The following TENM4 variants were observed in gnomAD, a reference collection of about 807,000 sequenced individuals.
TENM4 encodes teneurin transmembrane protein 4.
Under a neutral mutation model 243.3 loss-of-function variants are expected in TENM4, and 82 were observed. That is an observed-to-expected ratio of 0.34 (90% CI 0.28 to 0.40). The LOEUF (loss-of-function observed/expected upper bound fraction) is 0.40, where lower values mean the gene tolerates loss of function less well. TENM4 is among the 10% of genes least tolerant of loss of function. TENM4 has a pLI of 1.00. For synonymous variants in TENM4, 1,412 were observed against 1,456.3 expected, an observed-to-expected ratio of 0.97 and a Z score of 0.69; for missense variants, 3,138 against 3,673.3, an observed-to-expected ratio of 0.85 and a Z score of 3.77.
At chr11:78,897,661 G>C (rs987508130) in intron 7 of TENM4, among the ~76,000 whole-genome samples, 2 of 152,132 alleles carry the variant, frequency 1.3e-5, no homozygotes, top group Non-Finnish European at 2.9e-5. Flanking sequence ...TCAAAAGACG[G>C]TGAGCTTCTT....
At chr11:79,233,466 G>A (rs1864406476) in intron 2 of TENM4, among the ~76,000 whole-genome samples, 2 of 152,120 alleles carry the variant, frequency 1.3e-5, no homozygotes, top group Non-Finnish European at 2.9e-5. Context: ...GAAGGAGGAG[G>A]GGACTTGAGT....
chr11:79,117,199 C>T (rs1591295089), intron 4 of TENM4, among the ~76,000 whole-genome samples: 1 of 152,314 alleles, frequency 6.6e-6, no homozygotes. Flanking sequence ...CCCCACTGGG[C>T]CCTGATCACA....
chr11:79,005,425 C>T (rs1858456473), intron 6 of TENM4, among the ~76,000 whole-genome samples: 1 of 152,154 alleles, frequency 6.6e-6, no homozygotes, highest in Non-Finnish European at 1.5e-5. Context: ...AGGCTTATCC[C>T]TGGAATGCAA....
intron 5 of TENM4, among the ~76,000 whole-genome samples, chr11:79,066,059 C>T (rs1337603805): frequency 4.6e-5 from 7 of 152,148 alleles, no homozygotes; most frequent in Non-Finnish European, 5.9e-5. Flanking sequence ...CAATTCATGC[C>T]GGCCCTGGGC....
chr11:79,409,873 C>G (rs1190088204), intron 1 of TENM4, among the ~76,000 whole-genome samples: 2 of 152,142 alleles, frequency 1.3e-5, no homozygotes, highest in Non-Finnish European at 1.5e-5. Context: ...GTCAGTGTCC[C>G]TCTGAGGGTC....
chr11:78,866,349 G>C (rs535268062), intron 9 of TENM4, among the ~76,000 whole-genome samples: 2 of 151,458 alleles, frequency 1.3e-5, no homozygotes, highest in Non-Finnish European at 2.9e-5. Context: ...AAGGTCATGA[G>C]AATTAACTAA....
Position 79,305,236 on chromosome 11 carries a change from A to G in TENM4, c.-320-7693T>C, listed in dbSNP as rs945321175. 2.6e-4 allele frequency among the ~76,000 whole-genome samples: 39 copies of G among 152,234 alleles called. 1 individual carries two copies. The highest frequency in any genetic ancestry group is 5.9e-5 in the Non-Finnish European group (4 of 68,038). ...AGAAAGTTACTTAACTCCTCTGAGC[A>G]TCAGCTTCTTTATCTGCAAAGTGAA... is the stretch of plus-strand genomic sequence containing the variant. On this transcript the variant is annotated intron_variant, in intron 1 of 33. Coordinates refer to ENST00000278550, the MANE Select transcript of TENM4 (RefSeq NM_001098816.3).
chr11:78,903,634 T>C (rs1855993273), intron 6 of TENM4, 111 bp from the exon 7 acceptor site: 6 of 1,468,586 alleles, frequency 4.1e-6, no homozygotes, highest in Middle Eastern at 1.7e-4. Context: ...CGGCAGATTA[T>C]ACATATTGAT....
At chr11:79,221,353 T>TC (rs1439596919) in intron 2 of TENM4, among the ~76,000 whole-genome samples, 2 of 151,056 alleles carry the variant, frequency 1.3e-5, no homozygotes, top group Non-Finnish European at 3.0e-5. Flanking sequence ...ATGGATTTTT[T>TC]TTAAGCCTTT....
Position 79,161,498 on chromosome 11 carries a change from A to T in TENM4, c.-162-12692T>A, listed in dbSNP as rs1447244316. Among the ~76,000 whole-genome samples the T allele has an allele frequency of 5.9e-5, 9 of 152,196 alleles. 1 individual carries two copies. The highest frequency in any genetic ancestry group is 2.2e-4 in the African/African-American group (9 of 41,444). Reference sequence around the variant, plus strand: ...AGGGGCTCCTTACCAGACAGAAAGGACACACAAAGACACAGAGGGGAAGGC... The same window carrying T: ...AGGGGCTCCTTACCAGACAGAAAGGTCACACAAAGACACAGAGGGGAAGGC... On this transcript the variant is annotated intron_variant, in intron 3 of 33. Coordinates refer to ENST00000278550, the MANE Select transcript of TENM4 (RefSeq NM_001098816.3).
intron 6 of TENM4, among the ~76,000 whole-genome samples, chr11:78,921,808 GCCCTC>G (rs1386168964): frequency 6.6e-6 from 1 of 152,180 alleles, no homozygotes; most frequent in Non-Finnish European, 1.5e-5. Flanking sequence ...TTCCCTTGGG[GCCCTC>G]AAACCCACAG....
At chr11:79,112,766 T>G (rs1050744769) in intron 4 of TENM4, among the ~76,000 whole-genome samples, 1 of 152,174 alleles carries the variant, frequency 6.6e-6, no homozygotes, top group East Asian at 1.9e-4. Flanking sequence ...GCTGTTCCAC[T>G]TTCCTTCTCC....
Position 78,748,305 on chromosome 11 carries a change from T to G in TENM4, c.2756+8500A>C, listed in dbSNP as rs181133112. 6.2e-4 allele frequency among the ~76,000 whole-genome samples: 95 copies of G among 152,320 alleles called. 1 individual carries two copies. Among genetic ancestry groups the G allele is most frequent in the African/African-American group, 2.2e-3 (91 of 41,570 alleles). ...CCCCATGAGATATGGATTATTATTT[T>G]CATAGTGTAGAGGAGGGAAGTGAGG... On this transcript the variant is annotated intron_variant, in intron 19 of 33. Coordinates refer to ENST00000278550, the MANE Select transcript of TENM4 (RefSeq NM_001098816.3).
intron 2 of TENM4, among the ~76,000 whole-genome samples, chr11:79,274,326 T>A: frequency 6.6e-6 from 1 of 152,242 alleles, no homozygotes; most frequent in East Asian, 1.9e-4. Flanking sequence ...CTCTCAGATT[T>A]GCAAAGGCTG....
At chr11:79,145,294 T>A (rs945210984) in intron 4 of TENM4, among the ~76,000 whole-genome samples, 1 of 152,048 alleles carries the variant, frequency 6.6e-6, no homozygotes, top group African/African-American at 2.4e-5. Flanking sequence ...AATAGATTGA[T>A]GCATTTCTAC....
At chr11:79,301,275 C>T (rs1478187285) in intron 1 of TENM4, among the ~76,000 whole-genome samples, 1 of 152,210 alleles carries the variant, frequency 6.6e-6, no homozygotes, top group African/African-American at 2.4e-5. Context: ...CAGAACCTGG[C>T]TTCTGTACTG....
chr11:78,854,300 C>A lies in TENM4; in HGVS notation c.1485G>T (p.Glu495Asp). Residue 495 changes from glutamate to aspartate, a missense_variant, in exon 12 of 34, where the codon GAG becomes GAT. This residue lies in a region of TENM4 where 2,467 missense variants were observed against 3,059.1 expected (regional missense o/e 0.81). Coordinates refer to ENST00000278550, the MANE Select transcript of TENM4 (RefSeq NM_001098816.3). ...PPSHTQFDFV[E>D]LLDGRRLLTQ... ...TTAGGAGCCTCCTGCCATCCAGCAGCTCCACAAAGTCAAACTGAAAGACAG... is the reference window on the plus strand; with the variant it reads ...TTAGGAGCCTCCTGCCATCCAGCAGATCCACAAAGTCAAACTGAAAGACAG... 6.6e-7 allele frequency: 1 copy of A among 1,512,560 alleles called. No individual in the cohort carries two copies. The highest frequency in any genetic ancestry group is 8.9e-7 in the Non-Finnish European group (1 of 1,126,816). 93.7% of individuals were successfully genotyped at this position (1,512,560 alleles called of 1,614,324 possible).
intron 4 of TENM4, among the ~76,000 whole-genome samples, chr11:79,134,404 G>A (rs1261813085): frequency 6.6e-6 from 1 of 152,112 alleles, no homozygotes; most frequent in African/African-American, 2.4e-5. Flanking sequence ...TCAATATTGT[G>A]AAAATGATCA....
intron 27 of TENM4, among the ~76,000 whole-genome samples, chr11:78,704,159 C>CTATATATATATATATATATATATATATA (rs56026926): frequency 4.7e-5 from 5 of 106,018 alleles, no homozygotes; most frequent in Non-Finnish European, 9.3e-5. Flanking sequence ...GTATGTGTGT[C>CTATATATATATATATATATATATATATA]TATATATATA....
Sources: gnomAD v4.1 joint callset for allele counts (sites outside exome capture counted in the v4.1 genomes callset) on GRCh38, gnomAD v4.1.1 for gene constraint, gnomAD v4.1.1 regional missense constraint, MANE v1.5 for transcripts, NCBI Gene and HGNC (gene_info 2026-07-23, HGNC 2026-07-21) for gene names.